Variants in OR9G1 observed in about 807,000 individuals in gnomAD.
The protein encoded by OR9G1 is olfactory receptor family 9 subfamily G member 1.
Under a neutral mutation model 14.5 loss-of-function variants are expected in OR9G1, and 21 were observed. The ratio of observed to expected loss-of-function variants is 1.45; its 90% CI spans 1.03 to 2.09. The LOEUF is 2.09. Among genes scored for constraint, OR9G1 ranks in the 30% most tolerant of loss-of-function variants. The probability of loss-of-function intolerance (pLI) is 0.00; values close to 1 mark genes in which losing one functional copy is unlikely to be tolerated. For missense variants in OR9G1, 476 were observed against 364.2 expected (o/e 1.31, Z -2.50); for synonymous variants, 179 against 153.3 (o/e 1.17, Z -1.24).
chr11:56,703,734 A>C lies in OR9G1; in HGVS notation c.*2429A>C, dbSNP rs1462247238. 3 of 152,312 alleles carry C rather than the reference A, an allele frequency of 2.0e-5. No individual in the cohort carries two copies. The highest frequency in any genetic ancestry group is 2.9e-5 in the Non-Finnish European group (2 of 68,058). 9.4% of individuals were successfully genotyped at this position (152,312 alleles called of 1,614,324 possible). ...ACTACTTGACGGCTTCTATTCTAAT[A>C]TTTTTATGGGAGCCTACCAGAATTC... On this transcript the variant is annotated 3_prime_UTR_variant, in exon 2 of 2. Transcript: ENST00000642097.
intron 1 of OR9G1, 91 bp downstream of exon 1, chr11:56,699,281 G>A (rs1857564846): frequency 6.6e-6 from 1 of 152,356 alleles, no homozygotes; most frequent in African/African-American, 2.4e-5. Context: ...AATCAGAAGA[G>A]AACTTCATCA....
At chr11:56,699,999 T>G in intron 1 of OR9G1, among the ~76,000 whole-genome samples, 1 of 152,312 alleles carries the variant, frequency 6.6e-6, no homozygotes, top group Non-Finnish European at 1.5e-5. Context: ...TAAACTATAT[T>G]TAAAAGAGGG....
At chr11:56,699,908 T>TAA (rs1857579863) in intron 1 of OR9G1, among the ~76,000 whole-genome samples, 1 of 152,310 alleles carries the variant, frequency 6.6e-6, no homozygotes, top group Non-Finnish European at 1.5e-5. Context: ...GGCCTATATA[T>TAA]AATATTATGA....
Position 56,702,503 on chromosome 11 carries a change from A to G in OR9G1, c.*1198A>G, listed in dbSNP as rs1286262290. The G allele has an allele frequency of 6.6e-6, 1 of 152,250 alleles. No homozygotes were observed. The highest frequency in any genetic ancestry group is 2.1e-4 in the South Asian group (1 of 4,832). The allele number at this position is 152,250 out of a possible 1,614,324, so 9.4% of individuals were successfully genotyped here. A position where few individuals can be genotyped will look rare whatever the true frequency, so the allele number is the denominator to read the frequency against. On this transcript the variant is annotated 3_prime_UTR_variant, in exon 2 of 2. Coordinates refer to ENST00000642097, the MANE Select transcript of OR9G1 (RefSeq NM_001005213.2). ...TTTCAAAATGGCTGTGCTAATGTACATTCCCATCAATGGAGTATAAGAGTT... is the reference window on the plus strand; with the variant it reads ...TTTCAAAATGGCTGTGCTAATGTACGTTCCCATCAATGGAGTATAAGAGTT...
Position 56,700,402 on chromosome 11 carries a change from T to A in OR9G1, c.15T>A (p.Asn5Lys). The change falls in exon 2 of 2, where the codon AAT (asparagine) becomes AAA (lysine). Residue 5 changes from asparagine to lysine, a missense_variant. Asn to Lys is a moderately conservative substitution (Grantham distance 94, BLOSUM62 0). This residue lies in a region of OR9G1 where 89 missense variants were observed against 85.1 expected (regional missense o/e 1.05). Transcript: ENST00000642097. MQRS[N>K]HTVTEFILLG... ...TCCTTACAGCCATGCAGAGGAGCAA[T>A]CATACAGTGACTGAGTTTATACTGC... 5.0e-6 allele frequency: 8 copies of A among 1,614,116 alleles called. No homozygotes were observed. In the South Asian group the frequency reaches 7.7e-5, roughly 16 times the overall value.
Position 56,701,041 on chromosome 11 carries a change from C to CT in OR9G1, c.657dup (p.Ile220TyrfsTer45). ...CAGTGCTCATCCTGGCCTCCTACCTCTTTATCATCACCAGTGTCTTGAGGA... is the reference window on the plus strand; with the variant it reads ...CAGTGCTCATCCTGGCCTCCTACCTCTTTTATCATCACCAGTGTCTTGAGGA... On this transcript the variant is annotated frameshift_variant, in exon 2 of 2. Transcript: ENST00000642097. LOFTEE classifies it high-confidence loss of function. 6.2e-7 allele frequency: 1 copy of CT among 1,614,280 alleles called. No homozygotes were observed. Among genetic ancestry groups the CT allele is most frequent in the East Asian group, 2.2e-5 (1 of 44,896 alleles).
intron 1 of OR9G1, among the ~76,000 whole-genome samples, chr11:56,699,676 T>C (rs988088240): frequency 1.4e-3 from 1 of 702 alleles, no homozygotes; most frequent in East Asian, 0.056. Context: ...AGTGGGTAGA[T>C]TTTCAAGTCA....
rs1226522884 is a variant in OR9G1, at chr11:56,703,668, T to A, written c.*2363T>A. The A allele has an allele frequency of 2.0e-5, 3 of 152,312 alleles. No homozygotes were observed. Among genetic ancestry groups the A allele is most frequent in the African/African-American group, 4.8e-5 (2 of 41,488 alleles). 9.4% of individuals were successfully genotyped at this position (152,312 alleles called of 1,614,324 possible). On this transcript the variant is annotated 3_prime_UTR_variant, in exon 2 of 2. Transcript: ENST00000642097. Reference sequence around the variant, plus strand: ...CACATCTAATCTTAAAACACCGTGGTATCATAAACCCTGACATGTAACTAT... The same window carrying A: ...CACATCTAATCTTAAAACACCGTGGAATCATAAACCCTGACATGTAACTAT...
At chr11:56,699,594 A>ATGTT (rs1554963834) in intron 1 of OR9G1, among the ~76,000 whole-genome samples, 3 of 150,384 alleles carry the variant, frequency 2.0e-5, no homozygotes, top group African/African-American at 7.3e-5. Flanking sequence ...AGACAGATGT[A>ATGTT]TGCTAGATAT....
In OR9G1 at chr11:56,703,218, GCAGGTAGACC is replaced by G. The variant is rs1293840362; in HGVS notation, c.*1917_*1926del. On this transcript the variant is annotated 3_prime_UTR_variant, in exon 2 of 2. Coordinates refer to ENST00000642097, the MANE Select transcript of OR9G1 (RefSeq NM_001005213.2). ...GAGAAAATGCAAGAAACTGAATTAG[GCAGGTAGACC>G]CAGAAAATGTACAAGATTCACACAG... 6.6e-6 allele frequency: 1 copy of G among 152,312 alleles called. No individual in the cohort carries two copies. The highest frequency in any genetic ancestry group is 1.5e-5 in the Non-Finnish European group (1 of 68,062). The allele number at this position is 152,312 out of a possible 1,614,324, so 9.4% of individuals were successfully genotyped here. A position where few individuals can be genotyped will look rare whatever the true frequency, so the allele number is the denominator to read the frequency against.
rs4989832 is a variant in OR9G1, at chr11:56,701,888, G to T, written c.*583G>T. 1 of 127,180 alleles carries T rather than the reference G, an allele frequency of 7.9e-6. No individual in the cohort carries two copies. Among genetic ancestry groups the T allele is most frequent in the Admixed American group, 7.8e-5 (1 of 12,860 alleles). 7.9% of individuals were successfully genotyped at this position (127,180 alleles called of 1,614,324 possible). On this transcript the variant is annotated 3_prime_UTR_variant, in exon 2 of 2. Coordinates refer to ENST00000642097, the MANE Select transcript of OR9G1 (RefSeq NM_001005213.2). ...TGATGAAGAAAAAATTCATCAAGAT[G>T]CCATATATATGATTTTTGTAATTCA...
chr11:56,699,885 T>C (rs1347303792), intron 1 of OR9G1, among the ~76,000 whole-genome samples: 7 of 152,308 alleles, frequency 4.6e-5, no homozygotes, highest in African/African-American at 1.2e-4. Flanking sequence ...ATACTTTTCT[T>C]AGTATTTTCT....
rs1857631654 is a variant in OR9G1 at position 56,701,428 on chromosome 11, A to C, written c.*123A>C. On this transcript the variant is annotated 3_prime_UTR_variant, in exon 2 of 2. Coordinates refer to ENST00000642097, the MANE Select transcript of OR9G1 (RefSeq NM_001005213.2). ...CCCCTTCTTGACACGTGAGAGTTAC[A>C]GACATGTACAATAAGAAAATTAGGA... 1 of 1,337,466 alleles carries C rather than the reference A, an allele frequency of 7.5e-7. No homozygotes were observed. Among genetic ancestry groups the C allele is most frequent in the Non-Finnish European group, 9.9e-7 (1 of 1,012,244 alleles). 82.8% of individuals were successfully genotyped at this position (1,337,466 alleles called of 1,614,324 possible). A position where few individuals can be genotyped will look rare whatever the true frequency, so the allele number is the denominator to read the frequency against.
At position 56,701,150 on chromosome 11, in the gene OR9G1, C is replaced by T. The variant is rs764916911; in HGVS notation, c.763C>T (p.Leu255Phe). 6.2e-7 allele frequency: 1 copy of T among 1,614,320 alleles called. No homozygotes were observed. Among genetic ancestry groups the T allele is most frequent in the South Asian group, 1.1e-5 (1 of 91,092 alleles). ...TSVTLYYGSI[L>F]YIYALPRSSY... Reference sequence around the variant, plus strand: ...TGTCACTTTATACTATGGCTCCATTCTCTACATCTACGCTCTCCCCAGATC... The same window carrying T: ...TGTCACTTTATACTATGGCTCCATTTTCTACATCTACGCTCTCCCCAGATC... The change falls in exon 2 of 2, where the codon CTC becomes TTC. Residue 255 changes from leucine (L) to phenylalanine (F), a missense_variant. This residue lies in a region of OR9G1 where 352 missense variants were observed against 211.6 expected (regional missense o/e 1.66). Coordinates refer to ENST00000642097, the MANE Select transcript of OR9G1 (RefSeq NM_001005213.2).
rs138263863 is a variant in OR9G1, at chr11:56,701,016, C to T, written c.629C>T (p.Ala210Val). 1,619 of 1,611,514 alleles carry T rather than the reference C, an allele frequency of 1.0e-3. No homozygotes were observed. Among genetic ancestry groups the T allele is most frequent in the Middle Eastern group, 1.8e-3 (11 of 6,046 alleles). ...FLLASNVICP[A>V]VLILASYLFI... ...CTGGCCTCCAATGTCATCTGCCCCG[C>T]AGTGCTCATCCTGGCCTCCTACCTC... Residue 210 changes from alanine (A) to valine (V), a missense_variant, in exon 2 of 2, where the codon GCA becomes GTA. Physicochemically the swap from Ala to Val is moderately conservative, Grantham distance 64 (BLOSUM62 0). Transcript: ENST00000642097.
At chr11:56,700,284 G>A (rs79740513) in intron 1 of OR9G1, 86 bp from the exon 2 acceptor site, 9 of 1,948 alleles carry the variant, frequency 4.6e-3, no homozygotes, top group East Asian at 0.05. Flanking sequence ...TAGACTTCAC[G>A]AAACACTGCA....
rs897294364 is a variant in OR9G1 at position 56,703,743 on chromosome 11, G to A, written c.*2438G>A. The A allele has an allele frequency of 2.0e-5, 3 of 152,308 alleles. No individual in the cohort carries two copies. The highest frequency in any genetic ancestry group is 4.8e-5 in the African/African-American group (2 of 41,488). 9.4% of individuals were successfully genotyped at this position (152,308 alleles called of 1,614,324 possible). On this transcript the variant is annotated 3_prime_UTR_variant, in exon 2 of 2. Transcript: ENST00000642097. Reference sequence around the variant, plus strand: ...CGGCTTCTATTCTAATATTTTTATGGGAGCCTACCAGAATTCATTCTTCAA... The same window carrying A: ...CGGCTTCTATTCTAATATTTTTATGAGAGCCTACCAGAATTCATTCTTCAA...
At position 56,700,432 on chromosome 11, in the gene OR9G1, C is replaced by T. The variant is rs1194041177; in HGVS notation, c.45C>T (p.Gly15=). 3.1e-6 allele frequency: 5 copies of T among 1,614,302 alleles called. No homozygotes were observed. The highest frequency in any genetic ancestry group is 2.5e-6 in the Non-Finnish European group (3 of 1,180,050). ...NHTVTEFILL[G]FTTDPGMQLG... ...CAGTGACTGAGTTTATACTGCTGGG[C>T]TTCACCACAGACCCAGGAATGCAGC... Residue 15 remains glycine, a synonymous_variant, in exon 2 of 2, where the codon GGC becomes GGT. Transcript: ENST00000642097.
Position 56,700,503 on chromosome 11 carries a change from T to C in OR9G1, c.116T>C (p.Val39Ala). The stretch of plus-strand genomic sequence containing the variant: ...CTGGGCGTGTACTCTCTCACTGTGG[T>C]AGGAAATAGCACCCTCATCGTGTTG... ...VFLGVYSLTV[V>A]GNSTLIVLIC... Residue 39 changes from valine (V) to alanine (A), a missense_variant, in exon 2 of 2, where the codon GTA (valine) becomes GCA (alanine). By Grantham distance (64) the Val-to-Ala change is moderately conservative. This residue lies in a region of OR9G1 where 89 missense variants were observed against 85.1 expected (regional missense o/e 1.05). Transcript: ENST00000642097. The C allele has an allele frequency of 1.9e-6, 3 of 1,614,320 alleles. No homozygotes were observed. Among genetic ancestry groups the C allele is most frequent in the Non-Finnish European group, 2.5e-6 (3 of 1,180,058 alleles).
Sources: allele counts gnomAD v4.1 joint callset (sites outside exome capture counted in the v4.1 genomes callset), GRCh38; gene constraint gnomAD v4.1.1; regional missense constraint gnomAD v4.1.1; transcripts MANE v1.5; gene names NCBI Gene and HGNC (gene_info 2026-07-23, HGNC 2026-07-21).